PDZRN3: variants seen among roughly 807,000 people sequenced by gnomAD.
PDZRN3 encodes the protein E3 ubiquitin-protein ligase PDZRN3.
PDZRN3 carries 38 observed loss-of-function variants against 85.7 expected under a neutral mutation model. That is an observed-to-expected ratio of 0.44 (90% CI 0.34 to 0.58). The LOEUF (loss-of-function observed/expected upper bound fraction) is 0.58, where lower values mean the gene tolerates loss of function less well. Among genes scored for constraint, PDZRN3 ranks in the 20% least tolerant of loss-of-function variants. PDZRN3 has a pLI of 0.01. For synonymous variants in PDZRN3, 759 were observed against 638.0 expected (o/e 1.19, Z -2.86); for missense variants, 1,629 against 1,506.4 (o/e 1.08, Z -1.35).
Position 73,485,740 on chromosome 3 carries a change from CAA to C in PDZRN3, c.919-81347_919-81346del, listed in dbSNP as rs371724843. The stretch of plus-strand genomic sequence containing the variant: ...CACCCAAAGAAATGCAAGTGGCATG[CAA>C]AGAGTGACAATTAAATAAGACAATT... On this transcript the variant is annotated intron_variant, in intron 3 of 9. Transcript: ENST00000263666. Among the ~76,000 whole-genome samples, 28 of 152,254 alleles carry C rather than the reference CAA, an allele frequency of 1.8e-4. No individual in the cohort carries two copies. The East Asian group carries it at 5.4e-3, about 29-fold the overall frequency.
At chr3:73,427,266 C>T (rs1575646260) in intron 3 of PDZRN3, among the ~76,000 whole-genome samples, 2 of 152,314 alleles carry the variant, frequency 1.3e-5, no homozygotes, top group East Asian at 1.9e-4. Flanking sequence ...AACGTTATGA[C>T]GCCTGTCACA....
intron 2 of PDZRN3, among the ~76,000 whole-genome samples, chr3:73,603,130 G>A (rs1424656811): frequency 6.6e-6 from 1 of 152,218 alleles, no homozygotes. Flanking sequence ...ATTAGACAGA[G>A]TGTTTTCCCA....
chr3:73,383,334 C>G lies in PDZRN3; in HGVS notation c.*31G>C, dbSNP rs749707548. On this transcript the variant is annotated 3_prime_UTR_variant, in exon 10 of 10. Coordinates refer to ENST00000263666, the MANE Select transcript of PDZRN3 (RefSeq NM_015009.3). ...GAATTTCTACCCCAGTGGTAGTGGT[C>G]TCCTTTATGTACATAATGCAGAAGT... 6 of 1,545,232 alleles carry G rather than the reference C, an allele frequency of 3.9e-6. No individual in the cohort carries two copies. In the South Asian group the frequency reaches 6.4e-5, roughly 16 times the overall value.
intron 3 of PDZRN3, among the ~76,000 whole-genome samples, chr3:73,556,437 A>T (rs1250264747): frequency 1.3e-5 from 2 of 152,004 alleles, no homozygotes; most frequent in Non-Finnish European, 2.9e-5. Context: ...TTCCATATAT[A>T]TTTTTATCAA....
chr3:73,511,057 A>G (rs998370146), intron 3 of PDZRN3, among the ~76,000 whole-genome samples: 6 of 152,226 alleles, frequency 3.9e-5, no homozygotes, highest in Non-Finnish European at 8.8e-5. Flanking sequence ...TTTAACATAT[A>G]CAAAGGGAGA....
rs924238352 is a variant in PDZRN3 at position 73,471,733 on chromosome 3, T to A, written c.919-67338A>T. On this transcript the variant is annotated intron_variant, in intron 3 of 9. Transcript: ENST00000263666. ...GCCTCTCAGTCCACATCCTGAAGGC[T>A]TGTCTTTTCTAGTTCCCAGGCAAAA... is the stretch of plus-strand genomic sequence containing the variant. Among the ~76,000 whole-genome samples the A allele has an allele frequency of 4.7e-4, 71 of 152,258 alleles. 1 individual carries two copies. Among genetic ancestry groups the A allele is most frequent in the African/African-American group, 1.7e-3 (71 of 41,472 alleles).
chr3:73,534,399 T>G (rs951352937), intron 3 of PDZRN3, among the ~76,000 whole-genome samples: 14 of 152,372 alleles, frequency 9.2e-5, no homozygotes, highest in African/African-American at 3.1e-4. Context: ...GTCTCTCTTT[T>G]TTTGAATTTG....
intron 3 of PDZRN3, among the ~76,000 whole-genome samples, chr3:73,468,452 TTTTC>T (rs762351298): frequency 1.3e-5 from 2 of 152,042 alleles, no homozygotes; most frequent in Non-Finnish European, 2.9e-5. Flanking sequence ...CTCTTTTTTT[TTTTC>T]TTTGAGTCAA....
At chr3:73,471,074 T>G (rs919989424) in intron 3 of PDZRN3, among the ~76,000 whole-genome samples, 36 of 151,984 alleles carry the variant, frequency 2.4e-4, no homozygotes, top group Non-Finnish European at 4.9e-4. Context: ...GGAAATAGGG[T>G]CTTTACAGAG....
At chr3:73,488,373 C>T (rs1703705349) in intron 3 of PDZRN3, among the ~76,000 whole-genome samples, 1 of 152,204 alleles carries the variant, frequency 6.6e-6, no homozygotes, top group South Asian at 2.1e-4. Context: ...TACTCTCCTC[C>T]CTAGTCCCCA....
chr3:73,418,449 G>A (rs1054076407), intron 3 of PDZRN3, among the ~76,000 whole-genome samples: 6 of 152,138 alleles, frequency 3.9e-5, no homozygotes, highest in African/African-American at 1.4e-4. Flanking sequence ...GATCATTTCT[G>A]GACCTCAATT....
At position 73,413,625 on chromosome 3, in the gene PDZRN3, C is replaced by A. The variant is rs557873278; in HGVS notation, c.919-9230G>T. 3.0e-4 allele frequency among the ~76,000 whole-genome samples: 45 copies of A among 152,184 alleles called. No individual in the cohort carries two copies. In the South Asian group the frequency reaches 9.4e-3, roughly 32 times the overall value. ...GCTTCGAAATGCGTGTTCTAACCAC[C>A]GAGCAGCACAGCCGGCAGTGCTGTT... On this transcript the variant is annotated intron_variant, in intron 3 of 9. Coordinates refer to ENST00000263666, the MANE Select transcript of PDZRN3 (RefSeq NM_015009.3).
Position 73,383,281 on chromosome 3 carries a change from C to G in PDZRN3, c.*84G>C. The G allele has an allele frequency of 7.5e-7, 1 of 1,327,768 alleles. No individual in the cohort carries two copies. Among genetic ancestry groups the G allele is most frequent in the Non-Finnish European group, 1.0e-6 (1 of 960,766 alleles). The allele number at this position is 1,327,768 out of a possible 1,614,324, so 82.2% of individuals were successfully genotyped here. A position where few individuals can be genotyped will look rare whatever the true frequency, so the allele number is the denominator to read the frequency against. On this transcript the variant is annotated 3_prime_UTR_variant, in exon 10 of 10. Coordinates refer to ENST00000263666, the MANE Select transcript of PDZRN3 (RefSeq NM_015009.3). ...ATGAAGACCGTACTTATCTTATATA[C>G]AAAAACTTGCCGCATTGAACGAGGC... is the stretch of plus-strand genomic sequence containing the variant.
chr3:73,476,574 C>T (rs1274613745), intron 3 of PDZRN3, among the ~76,000 whole-genome samples: 1 of 152,148 alleles, frequency 6.6e-6, no homozygotes, highest in African/African-American at 2.4e-5. Flanking sequence ...TGTGTGTGAC[C>T]AACAGAAGAT....
At chr3:73,449,324 C>A (rs1702812157) in intron 3 of PDZRN3, among the ~76,000 whole-genome samples, 1 of 151,716 alleles carries the variant, frequency 6.6e-6, no homozygotes, top group African/African-American at 2.4e-5. Context: ...GCACTGGATG[C>A]TCTGATTTAA....
At chr3:73,575,566 CA>C in intron 3 of PDZRN3, among the ~76,000 whole-genome samples, 1 of 152,208 alleles carries the variant, frequency 6.6e-6, no homozygotes, top group East Asian at 1.9e-4. Context: ...ACAGTTGGGA[CA>C]AAAATGTGAG....
chr3:73,528,059 G>A (rs1704566345), intron 3 of PDZRN3, among the ~76,000 whole-genome samples: 1 of 152,222 alleles, frequency 6.6e-6, no homozygotes. Flanking sequence ...TCAGAAGTAT[G>A]GAGGTCAAGG....
intron 3 of PDZRN3, among the ~76,000 whole-genome samples, chr3:73,562,692 A>C (rs1005764932): frequency 1.3e-5 from 2 of 151,926 alleles, no homozygotes; most frequent in Non-Finnish European, 2.9e-5. Flanking sequence ...CCCCCATCCC[A>C]CCATCAAAGC....
At chr3:73,512,030 A>C (rs74347040) in intron 3 of PDZRN3, among the ~76,000 whole-genome samples, 3 of 152,224 alleles carry the variant, frequency 2.0e-5, no homozygotes, top group Admixed American at 2.0e-4. Context: ...CTCCTTTGGT[A>C]AGCAAGTTTG....
Sources: gnomAD v4.1 joint callset for allele counts (sites outside exome capture counted in the v4.1 genomes callset) on GRCh38, gnomAD v4.1.1 for gene constraint, MANE v1.5 for transcripts, NCBI Gene and HGNC (gene_info 2026-07-23, HGNC 2026-07-21) for gene names.